Variants in MYO18B observed in about 807,000 individuals in gnomAD.
MYO18B encodes the protein unconventional myosin-XVIIIb.
In MYO18B, 204 loss-of-function variants were observed where a neutral mutation model predicts 273.0. The ratio of observed to expected loss-of-function variants is 0.75; its 90% CI spans 0.67 to 0.84. The LOEUF is 0.84. Ranked by LOEUF, MYO18B falls within the 40% of genes least tolerant of loss-of-function variation. The pLI is 0.00. For missense variants in MYO18B, 3,212 were observed against 3,287.6 expected, an observed-to-expected ratio of 0.98 and a Z score of 0.56; for synonymous variants, 1,330 against 1,305.7, an observed-to-expected ratio of 1.02 and a Z score of -0.40.
At chr22:26,007,637 A>G (rs780785704) in intron 42 of MYO18B, among the ~76,000 whole-genome samples, 4 of 152,240 alleles carry the variant, frequency 2.6e-5, no homozygotes, top group Non-Finnish European at 4.4e-5. Context: ...GAATATGTTT[A>G]TAGCTTGAGG....
chr22:25,874,941 C>T (rs1244332996), intron 23 of MYO18B, among the ~76,000 whole-genome samples: 1 of 152,182 alleles, frequency 6.6e-6, no homozygotes, highest in Non-Finnish European at 1.5e-5. Context: ...AAATGATGTG[C>T]ACTTAATACA....
Position 25,878,019 on chromosome 22 carries a change from C to A in MYO18B, c.4285C>A (p.Arg1429=). 6.3e-7 allele frequency: 1 copy of A among 1,583,824 alleles called. No individual in the cohort carries two copies. Among genetic ancestry groups the A allele is most frequent in the Non-Finnish European group, 8.6e-7 (1 of 1,164,608 alleles). ...EKSEKLRNEL[R]QNTDLLESKI... ...ATCAGAGAAGTTGCGGAATGAACTC[C>A]GGCAGAACACAGATCTGCTAGAAAG... is the stretch of plus-strand genomic sequence containing the variant. Residue 1429 remains arginine (R), a synonymous_variant, in exon 25 of 44, where the codon CGG becomes AGG. Transcript: ENST00000335473.
intron 17 of MYO18B, among the ~76,000 whole-genome samples, chr22:25,841,110 A>G (rs2090069875): frequency 6.6e-6 from 1 of 152,224 alleles, no homozygotes; most frequent in Admixed American, 6.5e-5. Context: ...GTGTTCCCAC[A>G]AGGGCCAGCA....
chr22:25,903,531 A>G, intron 30 of MYO18B, 100 bp from the exon 31 acceptor site: 1 of 1,277,280 alleles, frequency 7.8e-7, no homozygotes, highest in Non-Finnish European at 1.1e-6. Flanking sequence ...TGGAAAGTGG[A>G]AAACGCCACT....
chr22:26,033,836 CTTT>C (rs1306686895), downstream of MYO18B, among the ~76,000 whole-genome samples: 27 of 111,170 alleles, frequency 2.4e-4, no homozygotes, highest in African/African-American at 1.5e-3. Flanking sequence ...TTCCTTCTTT[CTTT>C]CTTTCCTTTC....
intron 13 of MYO18B, among the ~76,000 whole-genome samples, chr22:25,825,561 C>T (rs1404049303): frequency 6.6e-6 from 1 of 152,110 alleles, no homozygotes; most frequent in Non-Finnish European, 1.5e-5. Context: ...CGAGCAAAAT[C>T]AAGTCCACAA....
chr22:25,990,686 C>CAAAAAAAAAA (rs745998234), intron 39 of MYO18B, among the ~76,000 whole-genome samples: 2 of 27,040 alleles, frequency 7.4e-5, no homozygotes, highest in East Asian at 2.4e-3. Flanking sequence ...GACTTTGTCT[C>CAAAAAAAAAA]AAAAAAAAAA....
In MYO18B at chr22:26,027,243, A is replaced by G. The variant is rs1936322649; in HGVS notation, c.7269A>G (p.Pro2423=). 1 of 1,613,926 alleles carries G rather than the reference A, an allele frequency of 6.2e-7. No individual in the cohort carries two copies. The highest frequency in any genetic ancestry group is 8.5e-7 in the Non-Finnish European group (1 of 1,179,870). ...HLMEEPLGSD[P]FSWKLPSLDY... ...TGGAGGAACCTCTAGGCAGTGACCCATTCAGCTGGAAACTCCCAAGCCTCG... is the reference window on the plus strand; with the variant it reads ...TGGAGGAACCTCTAGGCAGTGACCCGTTCAGCTGGAAACTCCCAAGCCTCG... Residue 2423 remains proline, a synonymous_variant, in exon 43 of 44, where the codon CCA becomes CCG. Coordinates refer to ENST00000335473, the MANE Select transcript of MYO18B (RefSeq NM_032608.7). The surrounding 1 kb of genome is among the most constrained non-coding windows in gnomAD (Gnocchi z 4.1).
At chr22:26,041,165 C>T in the MYO18B span, among the ~76,000 whole-genome samples, 14,975 of 151,312 alleles carry the variant, frequency 0.099, 862 homozygotes, top group Middle Eastern at 0.17. Context: ...TTTTTTTCCT[C>T]ATAAGCTATC....
chr22:25,854,967 G>A (rs974547775), intron 21 of MYO18B, among the ~76,000 whole-genome samples: 5 of 152,038 alleles, frequency 3.3e-5, no homozygotes, highest in Non-Finnish European at 7.4e-5. Context: ...TTTTAAGTTC[G>A]GGGGTACACA....
chr22:25,893,235 G>T (rs1263694822), intron 27 of MYO18B, among the ~76,000 whole-genome samples: 1 of 152,194 alleles, frequency 6.6e-6, no homozygotes, highest in Admixed American at 6.5e-5. Flanking sequence ...TTTCCTTTAT[G>T]CATGGCTAAA....
the MYO18B span, among the ~76,000 whole-genome samples, chr22:26,056,603 G>T: frequency 2.0e-5 from 3 of 152,148 alleles, no homozygotes; most frequent in African/African-American, 7.2e-5. Flanking sequence ...ATTTTATTCT[G>T]TTCTCTTCCT....
chr22:25,845,782 A>C (rs1379469195), intron 18 of MYO18B, among the ~76,000 whole-genome samples: 1 of 152,212 alleles, frequency 6.6e-6, no homozygotes, highest in East Asian at 1.9e-4. Flanking sequence ...AAGAGAGTAC[A>C]GGTGTCGTAG....
intron 17 of MYO18B, among the ~76,000 whole-genome samples, chr22:25,839,086 G>A (rs1334666303): frequency 6.6e-6 from 1 of 151,044 alleles, no homozygotes; most frequent in Non-Finnish European, 1.5e-5. Flanking sequence ...ATATGTATTA[G>A]TGTGTATACG....
intron 33 of MYO18B, among the ~76,000 whole-genome samples, chr22:25,920,469 G>T (rs1272208785): frequency 6.6e-6 from 1 of 152,162 alleles, no homozygotes; most frequent in Non-Finnish European, 1.5e-5. Context: ...AGGAGTCTAA[G>T]GTCACACTCC....
At chr22:26,041,087 A>G in the MYO18B span, among the ~76,000 whole-genome samples, 1 of 152,226 alleles carries the variant, frequency 6.6e-6, no homozygotes, top group South Asian at 2.1e-4. Context: ...GACCCAGGAC[A>G]GCTCTGAATG....
intron 10 of MYO18B, 110 bp from the exon 11 acceptor site, chr22:25,785,318 C>T (rs2087335150): frequency 9.9e-7 from 1 of 1,013,182 alleles, no homozygotes; most frequent in South Asian, 1.5e-5. Context: ...CAGGGACAGC[C>T]CCTGGGGTGT....
chr22:25,765,606 C>T lies in MYO18B; in HGVS notation c.198+2217C>T, dbSNP rs533928541. On this transcript the variant is annotated intron_variant, in intron 3 of 43. Coordinates refer to ENST00000335473, the MANE Select transcript of MYO18B (RefSeq NM_032608.7). ...GCTAAACCCCTTCCCCTTTCTTGGCCTCAGTTTACTCATCTGTAAAAATGT... is the reference window on the plus strand; with the variant it reads ...GCTAAACCCCTTCCCCTTTCTTGGCTTCAGTTTACTCATCTGTAAAAATGT... 5.3e-5 allele frequency among the ~76,000 whole-genome samples: 8 copies of T among 152,286 alleles called. No homozygotes were observed. In the South Asian group the frequency reaches 1.7e-3, roughly 32 times the overall value.
chr22:26,031,307 T>A (rs1159921534), downstream of MYO18B, among the ~76,000 whole-genome samples: 1 of 151,956 alleles, frequency 6.6e-6, no homozygotes, highest in Non-Finnish European at 1.5e-5. Context: ...TGGATCACAG[T>A]TGTGTTAGTG....
Sources: allele counts gnomAD v4.1 joint callset (sites outside exome capture counted in the v4.1 genomes callset), GRCh38; gene constraint gnomAD v4.1.1; non-coding constraint Gnocchi (gnomAD v3.1); transcripts MANE v1.5; gene names NCBI Gene and HGNC (gene_info 2026-07-23, HGNC 2026-07-21).